SSBP3: variants seen among roughly 807,000 people sequenced by gnomAD.
SSBP3 encodes the protein single-stranded DNA-binding protein 3.
A neutral mutation model predicts 69.6 loss-of-function variants in SSBP3; 5 were observed. That is an observed-to-expected ratio of 0.07 (90% CI 0.04 to 0.15). The LOEUF is 0.15. Among genes scored for constraint, SSBP3 ranks in the 10% least tolerant of loss-of-function variants. SSBP3 has a pLI of 1.00. For missense variants in SSBP3, 312 were observed against 534.0 expected (o/e 0.58, Z 4.10); for synonymous variants, 196 against 193.4 (o/e 1.01, Z -0.11).
chr1:54,352,968 G>A (rs527888877), intron 4 of SSBP3, among the ~76,000 whole-genome samples: 11 of 152,320 alleles, frequency 7.2e-5, no homozygotes, highest in Non-Finnish European at 1.6e-4. Flanking sequence ...AACGGATTCT[G>A]AATGGCAAAC....
chr1:54,323,521 T>A (rs1646250776), intron 4 of SSBP3, among the ~76,000 whole-genome samples: 1 of 152,160 alleles, frequency 6.6e-6, no homozygotes, highest in African/African-American at 2.4e-5. Context: ...GGCCTGCTCA[T>A]CAGACCCTGT....
At chr1:54,324,379 A>T (rs1022563349) in intron 4 of SSBP3, among the ~76,000 whole-genome samples, 18 of 152,134 alleles carry the variant, frequency 1.2e-4, no homozygotes, top group Admixed American at 6.5e-4. Context: ...TGCCATCGAG[A>T]AGCCGGCTGC....
At chr1:54,304,955 G>C (rs1569719241) in intron 4 of SSBP3, among the ~76,000 whole-genome samples, 1 of 152,306 alleles carries the variant, frequency 6.6e-6, no homozygotes, top group Admixed American at 6.5e-5. Context: ...GAGGAAGCGA[G>C]GATGCGTGGG....
intron 4 of SSBP3, among the ~76,000 whole-genome samples, chr1:54,317,466 GGCAGAGGTTGCAGTGA>G (rs1369180473): frequency 2.0e-5 from 3 of 151,986 alleles, no homozygotes; most frequent in African/African-American, 4.8e-5. Context: ...GAGCCCAAGA[GGCAGAGGTTGCAGTGA>G]GCAGAGGTTG....
At chr1:54,227,183 G>GA in intron 17 of SSBP3, 23 bp from the exon 18 acceptor site, 3 of 1,158,306 alleles carry the variant, frequency 2.6e-6, no homozygotes, top group Non-Finnish European at 3.8e-6. Flanking sequence ...AGCAGAGAAG[G>GA]GGGGGGGGTG....
At chr1:54,310,362 A>C (rs1262303003) in intron 4 of SSBP3, among the ~76,000 whole-genome samples, 1 of 152,056 alleles carries the variant, frequency 6.6e-6, no homozygotes, top group Non-Finnish European at 1.5e-5. Context: ...CCTTCCATAG[A>C]GATTTCTAAA....
chr1:54,369,394 T>G (rs544644914), intron 4 of SSBP3, among the ~76,000 whole-genome samples: 3 of 152,182 alleles, frequency 2.0e-5, no homozygotes, highest in African/African-American at 7.2e-5. Flanking sequence ...TGAGAGGGAC[T>G]GTGCAGCTAG....
chr1:54,331,648 A>G (rs1354861259), intron 4 of SSBP3, among the ~76,000 whole-genome samples: 1 of 152,200 alleles, frequency 6.6e-6, no homozygotes, highest in Non-Finnish European at 1.5e-5. Flanking sequence ...CTGCCCTGCA[A>G]CACGCTGGTC....
intron 4 of SSBP3, among the ~76,000 whole-genome samples, chr1:54,309,471 C>T (rs891507559): frequency 1.3e-5 from 2 of 152,214 alleles, no homozygotes; most frequent in Admixed American, 1.3e-4. Context: ...AAACAGCCAG[C>T]CTTGCTTTGG....
At chr1:54,303,882 C>T (rs551424814) in intron 4 of SSBP3, among the ~76,000 whole-genome samples, 7 of 152,250 alleles carry the variant, frequency 4.6e-5, no homozygotes, top group African/African-American at 7.2e-5. Flanking sequence ...TAACTAATTT[C>T]GCCTATTTCT....
At chr1:54,390,290 G>A (rs985693378) in intron 4 of SSBP3, among the ~76,000 whole-genome samples, 1 of 151,950 alleles carries the variant, frequency 6.6e-6, no homozygotes, top group African/African-American at 2.4e-5. Context: ...CCCTCACCAA[G>A]AACTCACCAC....
chr1:54,244,622 G>A (rs1024048289), intron 9 of SSBP3, among the ~76,000 whole-genome samples: 1 of 152,230 alleles, frequency 6.6e-6, no homozygotes, highest in Non-Finnish European at 1.5e-5. Context: ...GGCCCACTGA[G>A]GCACAGCGGG....
chr1:54,265,984 T>C (rs572762160), intron 5 of SSBP3, among the ~76,000 whole-genome samples: 1 of 152,344 alleles, frequency 6.6e-6, no homozygotes, highest in African/African-American at 2.4e-5. Context: ...TGAAACTCAC[T>C]TGCCTCCTGG....
intron 5 of SSBP3, among the ~76,000 whole-genome samples, chr1:54,265,512 G>A (rs776111270): frequency 2.2e-4 from 34 of 152,336 alleles, no homozygotes; most frequent in African/African-American, 2.4e-4. Flanking sequence ...GGGCTTCTGC[G>A]TGGTCCCCGA....
intron 4 of SSBP3, chr1:54,356,488 CT>C (rs1194106057): frequency 6.6e-6 from 1 of 152,268 alleles, no homozygotes; most frequent in East Asian, 1.9e-4. Context: ...GTGCCTGCCC[CT>C]CCCGGCCAGG....
At chr1:54,328,486 T>C (rs1646350324) in intron 4 of SSBP3, among the ~76,000 whole-genome samples, 1 of 152,210 alleles carries the variant, frequency 6.6e-6, no homozygotes, top group South Asian at 2.1e-4. Context: ...TTGCAGAGGC[T>C]AGCCCAGGCC....
chr1:54,404,839 T>TG lies in SSBP3; in HGVS notation c.129+18dup. 2.1e-6 allele frequency: 3 copies of TG among 1,417,858 alleles called. No individual in the cohort carries two copies. The highest frequency in any genetic ancestry group is 2.9e-6 in the Non-Finnish European group (3 of 1,029,888). The allele number at this position is 1,417,858 out of a possible 1,614,324, so 87.8% of individuals were successfully genotyped here. On this transcript the variant is annotated intron_variant, in intron 2 of 17. Coordinates refer to ENST00000610401, the Ensembl canonical transcript of SSBP3. ...GGGGGGGTGTCAAGAAATTGGATGC[T>TG]GGGGGGAGTCCCACTCACCTCCGAT...
At chr1:54,234,620 G>A (rs866167068) in intron 14 of SSBP3, among the ~76,000 whole-genome samples, 75 of 152,204 alleles carry the variant, frequency 4.9e-4, no homozygotes, top group Non-Finnish European at 9.6e-4. Flanking sequence ...TAGGATTAAT[G>A]AAACAAACAT....
At position 54,228,240 on chromosome 1, in the gene SSBP3, G is replaced by C. The variant is rs200431838; in HGVS notation, c.1137+15C>G. The stretch of plus-strand genomic sequence containing the variant: ...GCCGTGGGGACGAGAGCAACAGGCA[G>C]GGGGCGAGGCTTACATTGTCGTTCT... On this transcript the variant is annotated intron_variant, in intron 17 of 17. Transcript: ENST00000610401. 1.2e-4 allele frequency: 188 copies of C among 1,612,062 alleles called. No homozygotes were observed. Among genetic ancestry groups the C allele is most frequent in the Non-Finnish European group, 1.4e-4 (163 of 1,178,514 alleles).
Sources: gnomAD v4.1 joint callset for allele counts (sites outside exome capture counted in the v4.1 genomes callset) on GRCh38, gnomAD v4.1.1 for gene constraint, MANE v1.5 for transcripts, NCBI Gene and HGNC (gene_info 2026-07-23, HGNC 2026-07-21) for gene names.